TAFA1: variants seen among roughly 807,000 people sequenced by gnomAD.
TAFA1 encodes chemokine-like protein TAFA-1.
In TAFA1, 4 loss-of-function variants were observed where a neutral mutation model predicts 18.5. The observed-to-expected ratio is 0.22, with a 90% CI of 0.11 to 0.49. The LOEUF (loss-of-function observed/expected upper bound fraction) is 0.49. Ranked by LOEUF, TAFA1 falls within the 20% of genes least tolerant of loss-of-function variation. TAFA1 has a pLI of 0.98. For synonymous variants in TAFA1, 56 were observed against 55.2 expected, an observed-to-expected ratio of 1.01 and a Z score of -0.06; for missense variants, 147 against 169.0, an observed-to-expected ratio of 0.87 and a Z score of 0.72.
intron 2 of TAFA1, among the ~76,000 whole-genome samples, chr3:68,185,086 T>C (rs1381252849): frequency 2.0e-5 from 3 of 152,138 alleles, no homozygotes; most frequent in African/African-American, 7.2e-5. Context: ...ACTCCTAGGC[T>C]ATCAGAGAAG....
chr3:68,210,970 C>A (rs1343716822), intron 2 of TAFA1, among the ~76,000 whole-genome samples: 1 of 151,980 alleles, frequency 6.6e-6, no homozygotes, highest in African/African-American at 2.4e-5. Context: ...ACAACCCACA[C>A]ACTTAACTTG....
intron 2 of TAFA1, among the ~76,000 whole-genome samples, chr3:68,389,120 G>A (rs539072466): frequency 2.0e-5 from 3 of 152,146 alleles, no homozygotes; most frequent in South Asian, 4.2e-4. Flanking sequence ...CATCCATGTA[G>A]GTTGATATTT....
chr3:68,328,738 TA>T (rs1466904232), intron 2 of TAFA1, among the ~76,000 whole-genome samples: 1 of 152,116 alleles, frequency 6.6e-6, no homozygotes, highest in African/African-American at 2.4e-5. Context: ...TTATTCATTT[TA>T]AAAAATAAAC....
intron 2 of TAFA1, among the ~76,000 whole-genome samples, chr3:68,162,507 A>G (rs1309548107): frequency 6.6e-6 from 1 of 152,134 alleles, no homozygotes; most frequent in Non-Finnish European, 1.5e-5. Flanking sequence ...GTGCCTGTCT[A>G]TGGCCCAGGG....
At chr3:68,248,471 G>A (rs2067127672) in intron 2 of TAFA1, among the ~76,000 whole-genome samples, 1 of 152,038 alleles carries the variant, frequency 6.6e-6, no homozygotes, top group South Asian at 2.1e-4. Flanking sequence ...CCATTTGGAG[G>A]AAAAGAAGAT....
At chr3:68,250,305 G>C (rs1002425604) in intron 2 of TAFA1, among the ~76,000 whole-genome samples, 4 of 152,094 alleles carry the variant, frequency 2.6e-5, no homozygotes, top group Non-Finnish European at 5.9e-5. Context: ...GCTTCATTTG[G>C]AGACAGTCTC....
intron 2 of TAFA1, among the ~76,000 whole-genome samples, chr3:68,153,125 T>C (rs371000983): frequency 3.4e-4 from 51 of 152,186 alleles, no homozygotes; most frequent in African/African-American, 1.2e-3. Flanking sequence ...TTGCTCATAG[T>C]CAAGCTATCA....
the TAFA1 span, among the ~76,000 whole-genome samples, chr3:67,992,735 T>G: frequency 2.1e-3 from 325 of 152,352 alleles, 2 homozygotes; most frequent in Non-Finnish European, 3.4e-3. Context: ...GACTCTATTC[T>G]TATCCTTCTC....
chr3:68,268,004 C>A (rs543762348), intron 2 of TAFA1, among the ~76,000 whole-genome samples: 133 of 152,276 alleles, frequency 8.7e-4, no homozygotes, highest in Non-Finnish European at 1.6e-3. Context: ...GAGCTATAGT[C>A]TCTTGCCATT....
chr3:67,993,763 C>A, the TAFA1 span, among the ~76,000 whole-genome samples: 1 of 151,956 alleles, frequency 6.6e-6, no homozygotes, highest in Non-Finnish European at 1.5e-5. Flanking sequence ...TATACAAATC[C>A]CTGAAATCTA....
intron 3 of TAFA1, among the ~76,000 whole-genome samples, chr3:68,447,652 A>T (rs772918366): frequency 1.4e-4 from 21 of 152,212 alleles, no homozygotes; most frequent in Non-Finnish European, 2.4e-4. Flanking sequence ...ATTTGCACAG[A>T]GTAGTGTAAC....
chr3:68,215,473 A>T (rs2066646493), intron 2 of TAFA1, among the ~76,000 whole-genome samples: 1 of 152,120 alleles, frequency 6.6e-6, no homozygotes, highest in African/African-American at 2.4e-5. Context: ...TACAACACCT[A>T]AAGCATGACT....
At chr3:68,121,579 C>T (rs2065399361) in intron 2 of TAFA1, among the ~76,000 whole-genome samples, 1 of 152,128 alleles carries the variant, frequency 6.6e-6, no homozygotes, top group Admixed American at 6.5e-5. Context: ...AATGAACCAG[C>T]TGGGATACTA....
At chr3:68,376,120 A>C (rs948776957) in intron 2 of TAFA1, among the ~76,000 whole-genome samples, 2 of 152,198 alleles carry the variant, frequency 1.3e-5, no homozygotes, top group East Asian at 3.9e-4. Context: ...AGGCCTTTTG[A>C]GCTCCAGGTC....
intron 2 of TAFA1, among the ~76,000 whole-genome samples, chr3:68,076,985 T>C (rs1392842993): frequency 2.0e-5 from 3 of 152,166 alleles, no homozygotes; most frequent in Admixed American, 1.3e-4. Flanking sequence ...TCCTGACTTT[T>C]TAATGATTGC....
chr3:68,373,916 C>G (rs2069760911), intron 2 of TAFA1, among the ~76,000 whole-genome samples: 1 of 152,172 alleles, frequency 6.6e-6, no homozygotes, highest in Admixed American at 6.5e-5. Flanking sequence ...ACAGCTAGAG[C>G]TCCTTTCTGT....
At chr3:68,181,915 A>G (rs1248874235) in intron 2 of TAFA1, among the ~76,000 whole-genome samples, 1 of 152,216 alleles carries the variant, frequency 6.6e-6, no homozygotes, top group Admixed American at 6.5e-5. Flanking sequence ...TATGATAAAT[A>G]CAGTTTACAG....
intron 2 of TAFA1, among the ~76,000 whole-genome samples, chr3:68,119,051 G>T (rs980485105): frequency 4.0e-5 from 6 of 150,582 alleles, no homozygotes; most frequent in African/African-American, 1.5e-4. Context: ...CTTTTTTTTG[G>T]GTTTTTTTTT....
intron 2 of TAFA1, among the ~76,000 whole-genome samples, chr3:68,221,607 A>G (rs1407182223): frequency 1.3e-5 from 2 of 152,168 alleles, no homozygotes; most frequent in East Asian, 3.9e-4. Flanking sequence ...TGGATACACT[A>G]GAACAACTGG....
Sources: allele counts gnomAD v4.1 joint callset (sites outside exome capture counted in the v4.1 genomes callset), GRCh38; gene constraint gnomAD v4.1.1; transcripts MANE v1.5; gene names NCBI Gene and HGNC (gene_info 2026-07-23, HGNC 2026-07-21).